SH3GL1: variants seen among roughly 807,000 people sequenced by gnomAD.
The protein encoded by SH3GL1 is endophilin-A2.
In SH3GL1, 21 loss-of-function variants were observed where a neutral mutation model predicts 48.8. The ratio of observed to expected loss-of-function variants is 0.43; its 90% CI spans 0.30 to 0.62. SH3GL1 has a LOEUF of 0.62. Ranked by LOEUF, SH3GL1 falls within the 20% of genes least tolerant of loss-of-function variation. The pLI, the probability that SH3GL1 is intolerant of heterozygous loss-of-function variation, is 0.11. For missense variants in SH3GL1, 454 were observed against 503.0 expected (o/e 0.90, Z 0.93); for synonymous variants, 282 against 217.5 (o/e 1.30, Z -2.61).
intron 1 of SH3GL1, among the ~76,000 whole-genome samples, chr19:4,377,380 G>A (rs1973030184): frequency 6.6e-6 from 1 of 152,224 alleles, no homozygotes; most frequent in Non-Finnish European, 1.5e-5. Context: ...GCTGTGAGCG[G>A]GCACTGAGGA....
chr19:4,364,866 TTGTGTGTGTGTGTGTG>T (rs373324973), intron 4 of SH3GL1, among the ~76,000 whole-genome samples: 29,818 of 97,164 alleles, frequency 0.31, 3,877 homozygotes, highest in Admixed American at 0.39. Flanking sequence ...ACCCGGCTAA[TTGTGTGTGTGTGTGTG>T]TGTGTGTGTG....
At chr19:4,380,197 A>G (rs1011537659) in intron 1 of SH3GL1, 5 of 152,570 alleles carry the variant, frequency 3.3e-5, no homozygotes, top group African/African-American at 1.2e-4. Flanking sequence ...TTCTTCCTAC[A>G]TCCAAATTCT....
At chr19:4,394,837 C>T (rs772082965) in intron 1 of SH3GL1, among the ~76,000 whole-genome samples, 12 of 152,230 alleles carry the variant, frequency 7.9e-5, no homozygotes, top group Non-Finnish European at 1.3e-4. Flanking sequence ...CTGGAGAATT[C>T]TTCCTTTGCA....
chr19:4,383,141 C>T (rs997012770), intron 1 of SH3GL1, among the ~76,000 whole-genome samples: 1 of 152,040 alleles, frequency 6.6e-6, no homozygotes, highest in Non-Finnish European at 1.5e-5. Context: ...TGGTCTCGAA[C>T]TCCTGACCTC....
chr19:4,391,285 C>G lies in SH3GL1; in HGVS notation c.45+9039G>C, dbSNP rs186883375. ...GTCTGGGGTGTCAAAATGTGACAGC[C>G]CCCAATTTCTTCAACTGAGCGGCAT... On this transcript the variant is annotated intron_variant, in intron 1 of 9. Coordinates refer to ENST00000269886, the MANE Select transcript of SH3GL1 (RefSeq NM_003025.4). Among the ~76,000 whole-genome samples, 11 of 152,202 alleles carry G rather than the reference C, an allele frequency of 7.2e-5. No individual in the cohort carries two copies. The East Asian group carries it at 2.1e-3, about 29-fold the overall frequency.
At chr19:4,385,526 C>G (rs959508684) in intron 1 of SH3GL1, among the ~76,000 whole-genome samples, 2 of 152,214 alleles carry the variant, frequency 1.3e-5, no homozygotes, top group Non-Finnish European at 2.9e-5. Flanking sequence ...GACCAAAGGT[C>G]TTTCTCCTGC....
chr19:4,375,567 G>T (rs535892835), intron 1 of SH3GL1, among the ~76,000 whole-genome samples: 1 of 152,328 alleles, frequency 6.6e-6, no homozygotes, highest in South Asian at 2.1e-4. Context: ...CTTGCACAGG[G>T]TTTCATCCAA....
At chr19:4,399,812 G>A (rs1267794735) in intron 1 of SH3GL1, among the ~76,000 whole-genome samples, 2 of 152,240 alleles carry the variant, frequency 1.3e-5, no homozygotes, top group South Asian at 2.1e-4. Flanking sequence ...ATACGGAGTC[G>A]ATGACAGTCG....
rs889227412 is a variant in SH3GL1 at position 4,367,540 on chromosome 19, T to G, written c.46-546A>C. On this transcript the variant is annotated intron_variant, in intron 1 of 9. Coordinates refer to ENST00000269886, the MANE Select transcript of SH3GL1 (RefSeq NM_003025.4). This position sits in a 1 kb window ranked among gnomAD's most constrained non-coding sequence, Gnocchi z 4.2. ...ATTCTCCTGTGCTCTGGTGCCCGTG[T>G]CTGCAGGATGGGACAGCCCAGCCCT... Among the ~76,000 whole-genome samples, 2 of 152,278 alleles carry G rather than the reference T, an allele frequency of 1.3e-5. No homozygotes were observed. Among genetic ancestry groups the G allele is most frequent in the Middle Eastern group, 3.4e-3 (1 of 292 alleles).
At chr19:4,368,360 G>A (rs1387361466) in intron 1 of SH3GL1, among the ~76,000 whole-genome samples, 1 of 152,206 alleles carries the variant, frequency 6.6e-6, no homozygotes, top group Admixed American at 6.5e-5. Context: ...GCGGGGGCAG[G>A]AGAAGCTTGA....
intron 1 of SH3GL1, among the ~76,000 whole-genome samples, chr19:4,371,497 C>T (rs946226854): frequency 1.3e-5 from 2 of 152,244 alleles, no homozygotes; most frequent in African/African-American, 4.8e-5. Context: ...CACAAATGCC[C>T]GTCTCGGGCT....
intron 1 of SH3GL1, among the ~76,000 whole-genome samples, chr19:4,394,356 C>T (rs1028353431): frequency 2.6e-5 from 4 of 152,118 alleles, no homozygotes; most frequent in East Asian, 1.9e-4. Flanking sequence ...TAGCTGCGCA[C>T]GGATGCCAGG....
chr19:4,374,391 G>A (rs569068795), intron 1 of SH3GL1, among the ~76,000 whole-genome samples: 113 of 152,326 alleles, frequency 7.4e-4, no homozygotes, highest in African/African-American at 2.4e-3. Context: ...CGGAGGCTCC[G>A]TGAGGGCAGC....
intron 1 of SH3GL1, among the ~76,000 whole-genome samples, chr19:4,377,379 G>A (rs1027047532): frequency 6.6e-5 from 10 of 152,188 alleles, no homozygotes; most frequent in African/African-American, 1.7e-4. Flanking sequence ...AGCTGTGAGC[G>A]GGCACTGAGG....
At position 4,376,325 on chromosome 19, in the gene SH3GL1, T is replaced by G. The variant is rs1973008023; in HGVS notation, c.46-9331A>C. On this transcript the variant is annotated intron_variant, in intron 1 of 9. Coordinates refer to ENST00000269886, the MANE Select transcript of SH3GL1 (RefSeq NM_003025.4). This position sits in a 1 kb window ranked among gnomAD's most constrained non-coding sequence, Gnocchi z 4.3. ...GTGCCAGGTGGGCAGAGGAGACAGG[T>G]GAAGGCACATTCCTCAGCGCCCGCT... Among the ~76,000 whole-genome samples, 1 of 152,090 alleles carries G rather than the reference T, an allele frequency of 6.6e-6. No individual in the cohort carries two copies. The highest frequency in any genetic ancestry group is 6.5e-5 in the Admixed American group (1 of 15,278).
chr19:4,381,074 C>A (rs1364176983), intron 1 of SH3GL1, among the ~76,000 whole-genome samples: 1 of 121,998 alleles, frequency 8.2e-6, no homozygotes, highest in Non-Finnish European at 1.7e-5. Flanking sequence ...TGTCCCCCTG[C>A]CTCTCTCTGT....
chr19:4,364,918 T>A (rs139689549), intron 4 of SH3GL1, among the ~76,000 whole-genome samples: 6,763 of 89,486 alleles, frequency 0.076, 204 homozygotes, highest in Middle Eastern at 0.13. Context: ...ATATATATAT[T>A]TTTTTTTTTT....
intron 1 of SH3GL1, among the ~76,000 whole-genome samples, chr19:4,393,547 C>A (rs1973374324): frequency 6.6e-6 from 1 of 152,124 alleles, no homozygotes; most frequent in Non-Finnish European, 1.5e-5. Flanking sequence ...AATCCCAGCA[C>A]TTTGGGAGGC....
At chr19:4,394,769 G>A (rs1175489060) in intron 1 of SH3GL1, among the ~76,000 whole-genome samples, 1 of 152,224 alleles carries the variant, frequency 6.6e-6, no homozygotes, top group African/African-American at 2.4e-5. Context: ...AGAACCCTTG[G>A]AAGTCTAGAG....
Sources: allele counts gnomAD v4.1 joint callset (sites outside exome capture counted in the v4.1 genomes callset), GRCh38; gene constraint gnomAD v4.1.1; non-coding constraint Gnocchi (gnomAD v3.1); transcripts MANE v1.5; gene names NCBI Gene and HGNC (gene_info 2026-07-23, HGNC 2026-07-21).